The following CTNS variants were observed in gnomAD, a reference collection of about 807,000 sequenced individuals.
CTNS encodes cystinosin.
CTNS carries 27 observed loss-of-function variants against 43.7 expected under a neutral mutation model. The ratio of observed to expected loss-of-function variants is 0.62; its 90% CI spans 0.46 to 0.85. The LOEUF (loss-of-function observed/expected upper bound fraction) is 0.85, where lower values mean the gene tolerates loss of function less well. CTNS is among the 40% of genes least tolerant of loss of function. CTNS has a pLI of 0.00. For missense variants in CTNS, 457 were observed against 475.4 expected (o/e 0.96, Z 0.36); for synonymous variants, 187 against 190.6 (o/e 0.98, Z 0.16).
intron 10 of CTNS, 100 bp downstream of exon 10, chr17:3,658,275 A>G: frequency 6.7e-7 from 1 of 1,496,184 alleles, no homozygotes; most frequent in Non-Finnish European, 9.1e-7. Context: ...GGCGTGAGGA[A>G]ACAGGACGGA....
intron 7 of CTNS, 138 bp downstream of exon 7, chr17:3,655,490 T>C: frequency 1.5e-6 from 2 of 1,343,372 alleles, no homozygotes; most frequent in South Asian, 2.4e-5. Context: ...GTTGTCCCAG[T>C]GCGAAGGCTC....
rs1197091491 is a variant in CTNS, at chr17:3,642,041, CTGTGTGTGTGTGTGTACCCGGGCGTG to C, written c.61+1790_61+1815del. On this transcript the variant is annotated intron_variant, in intron 3 of 11. Transcript: ENST00000046640. ...TGCGCGCGCGTGTATTTGCCTGGGC[CTGTGTGTGTGTGTGTACCCGGGCGTG>C]TGTGTGTGTGTGTGTGCCTGGGCGT... Among the ~76,000 whole-genome samples the C allele has an allele frequency of 5.8e-3, 829 of 143,890 alleles. 1 individual carries two copies. The highest frequency in any genetic ancestry group is 8.2e-3 in the Non-Finnish European group (544 of 66,070). The allele number at this position is 143,890 out of a possible 152,430, so 94.4% of individuals were successfully genotyped here.
At chr17:3,659,017 C>G (rs909931561) in intron 10 of CTNS, among the ~76,000 whole-genome samples, 13 of 152,126 alleles carry the variant, frequency 8.5e-5, no homozygotes, top group South Asian at 2.1e-4. Context: ...GGGCCCCAGT[C>G]CCTGAGGGTG....
At chr17:3,640,593 G>C (rs1218095847) in intron 3 of CTNS, among the ~76,000 whole-genome samples, 1 of 152,254 alleles carries the variant, frequency 6.6e-6, no homozygotes, top group Non-Finnish European at 1.5e-5. Context: ...AACAACCTGG[G>C]ATAATATCTT....
Position 3,650,888 on chromosome 17 carries a change from T to C in CTNS, c.225+1957T>C, listed in dbSNP as rs142771773. Reference sequence around the variant, plus strand: ...CGCAATCTCAGCTCCCTGCAACCTCTGCCTCCTGGGTTCAAGCGATTCTCC... The same window carrying C: ...CGCAATCTCAGCTCCCTGCAACCTCCGCCTCCTGGGTTCAAGCGATTCTCC... On this transcript the variant is annotated intron_variant, in intron 5 of 11. Coordinates refer to ENST00000046640, the MANE Select transcript of CTNS (RefSeq NM_004937.3). Among the ~76,000 whole-genome samples the C allele has an allele frequency of 7.8e-3, 1,185 of 151,294 alleles. 12 individuals carry two copies. The highest frequency in any genetic ancestry group is 0.027 in the African/African-American group (1,126 of 41,164).
At position 3,641,572 on chromosome 17, in the gene CTNS, T is replaced by C. The variant is rs1299523900; in HGVS notation, c.61+1305T>C. Among the ~76,000 whole-genome samples, 5 of 151,136 alleles carry C rather than the reference T, an allele frequency of 3.3e-5. No homozygotes were observed. In the East Asian group the frequency reaches 7.8e-4, roughly 24 times the overall value. ...ACGCCCAGCTAGTTTTTTGTATTTT[T>C]AGTAGAGATGGGGTTTCACCATGTT... On this transcript the variant is annotated intron_variant, in intron 3 of 11. Transcript: ENST00000046640.
chr17:3,659,440 AAGTCCCACTCCCACC>A (rs1222883223), intron 10 of CTNS, among the ~76,000 whole-genome samples: 9 of 152,188 alleles, frequency 5.9e-5, no homozygotes, highest in African/African-American at 2.2e-4. Context: ...TCCAAACCAG[AAGTCCCACTCCCACC>A]AGTCCCTAAG....
At chr17:3,642,176 C>G (rs1444066452) in intron 3 of CTNS, among the ~76,000 whole-genome samples, 1 of 150,390 alleles carries the variant, frequency 6.6e-6, no homozygotes, top group Non-Finnish European at 1.5e-5. Context: ...CCCAGTCGCT[C>G]ATACATACTC....
intron 11 of CTNS, 46 bp downstream of exon 11, chr17:3,660,021 G>T: frequency 6.5e-7 from 1 of 1,542,192 alleles, no homozygotes; most frequent in Non-Finnish European, 9.0e-7. Context: ...CTGGGGCATC[G>T]GGCGGGGCCA....
intron 2 of CTNS, among the ~76,000 whole-genome samples, chr17:3,639,362 G>A (rs1335657827): frequency 6.6e-6 from 1 of 152,026 alleles, no homozygotes; most frequent in Non-Finnish European, 1.5e-5. Context: ...GTCCTGGAAT[G>A]GTGACACTTG....
At chr17:3,660,158 C>T (rs552824464) in intron 11 of CTNS, 78 bp from the exon 12 acceptor site, 21 of 1,597,388 alleles carry the variant, frequency 1.3e-5, no homozygotes, top group Admixed American at 1.2e-4. Context: ...GGACCCCCAC[C>T]GCCCACCACC....
Position 3,661,964 on chromosome 17 carries a change from C to T in CTNS, c.*1595C>T, listed in dbSNP as rs112299490. 0.036 allele frequency among the ~76,000 whole-genome samples: 5,511 copies of T among 152,286 alleles called. 183 individuals carry two copies. Among genetic ancestry groups the T allele is most frequent in the African/African-American group, 0.087 (3,624 of 41,544 alleles). On this transcript the variant is annotated 3_prime_UTR_variant, in exon 12 of 12. Transcript: ENST00000046640. ...CCACAGACCTGTTTCACTTGCAACACCCAGTAAATGTGTTACTGGGTGCCC... is the reference window on the plus strand; with the variant it reads ...CCACAGACCTGTTTCACTTGCAACATCCAGTAAATGTGTTACTGGGTGCCC...
chr17:3,655,212 C>G lies in CTNS; in HGVS notation c.330-9C>G. The G allele has an allele frequency of 6.2e-7, 1 of 1,614,192 alleles. No homozygotes were observed. Among genetic ancestry groups the G allele is most frequent in the Non-Finnish European group, 8.5e-7 (1 of 1,180,036 alleles). ...CTCAGCTCATCCCGGTCCCCAAACT[C>G]CTTTCCAGCCCGAGGATACGCTTTC... On this transcript the variant is annotated splice_polypyrimidine_tract_variant and intron_variant, in intron 6 of 11. Coordinates refer to ENST00000046640, the MANE Select transcript of CTNS (RefSeq NM_004937.3).
chr17:3,638,527 T>C (rs1474236446), intron 2 of CTNS, among the ~76,000 whole-genome samples: 1 of 152,180 alleles, frequency 6.6e-6, no homozygotes, highest in East Asian at 1.9e-4. Context: ...CACGAGCCAC[T>C]GCGCTCAGCC....
At chr17:3,643,319 C>G in intron 3 of CTNS, among the ~76,000 whole-genome samples, 1 of 149,710 alleles carries the variant, frequency 6.7e-6, no homozygotes, top group East Asian at 2.0e-4. Context: ...GTCTCAAAAA[C>G]AAAAAAAAAT....
chr17:3,655,425 T>C (rs1444491754), intron 7 of CTNS, 73 bp downstream of exon 7: 8 of 1,591,090 alleles, frequency 5.0e-6, no homozygotes, highest in Middle Eastern at 2.2e-4. Flanking sequence ...AGGCTGCCGA[T>C]AGCGCAGCCT....
upstream of CTNS, chr17:3,636,489 G>C: frequency 2.3e-6 from 1 of 434,648 alleles, no homozygotes; most frequent in Non-Finnish European, 4.1e-6. Flanking sequence ...AATGGAGGGC[G>C]GTCTGAGCTT....
chr17:3,640,187 G>T lies in CTNS; in HGVS notation c.-19-1G>T. 1 of 1,612,482 alleles carries T rather than the reference G, an allele frequency of 6.2e-7. No individual in the cohort carries two copies. The highest frequency in any genetic ancestry group is 8.5e-7 in the Non-Finnish European group (1 of 1,178,540). Reference sequence around the variant, plus strand: ...TTCTCTCTTGCTGTTTTTCTTCCTAGTTCTGAGAAATCGAGAAACATGATA... The same window carrying T: ...TTCTCTCTTGCTGTTTTTCTTCCTATTTCTGAGAAATCGAGAAACATGATA... On this transcript the variant is annotated splice_acceptor_variant, in intron 2 of 11. Coordinates refer to ENST00000046640, the MANE Select transcript of CTNS (RefSeq NM_004937.3). LOFTEE classifies it low-confidence loss of function (5UTR_SPLICE).
chr17:3,650,831 T>G (rs2075962135), intron 5 of CTNS, among the ~76,000 whole-genome samples: 1 of 152,174 alleles, frequency 6.6e-6, no homozygotes. Flanking sequence ...GAGACAGAGC[T>G]TCACTCTGTC....
Sources: allele counts gnomAD v4.1 joint callset (sites outside exome capture counted in the v4.1 genomes callset), GRCh38; gene constraint gnomAD v4.1.1; transcripts MANE v1.5; gene names NCBI Gene and HGNC (gene_info 2026-07-23, HGNC 2026-07-21).